ARHGAP15: variants seen among roughly 807,000 people sequenced by gnomAD.
The protein encoded by ARHGAP15 is Rho GTPase activating protein 15, also known as rho GTPase-activating protein 15.
A neutral mutation model predicts 63.7 loss-of-function variants in ARHGAP15; 51 were observed. That is an observed-to-expected ratio of 0.80 (90% confidence interval 0.64 to 1.01). The LOEUF is 1.01. ARHGAP15 is among the 50% of genes least tolerant of loss of function. The pLI, the probability that ARHGAP15 is intolerant of heterozygous loss-of-function variation, is 0.00. For synonymous variants in ARHGAP15, 191 were observed against 193.8 expected, an observed-to-expected ratio of 0.99 and a Z score of 0.12; for missense variants, 560 against 564.6, an observed-to-expected ratio of 0.99 and a Z score of 0.08.
chr2:143,426,128 G>T (rs2105065306), intron 6 of ARHGAP15, among the ~76,000 whole-genome samples: 1 of 152,240 alleles, frequency 6.6e-6, no homozygotes, highest in Non-Finnish European at 1.5e-5. Context: ...GCTAATCTGT[G>T]TTTACTAGTG....
chr2:143,521,242 G>A (rs150770293), intron 10 of ARHGAP15, among the ~76,000 whole-genome samples: 129 of 152,226 alleles, frequency 8.5e-4, no homozygotes, highest in Non-Finnish European at 1.6e-3. Context: ...AAGCACTTTG[G>A]CAGCATCAGC....
At chr2:143,645,837 A>T (rs1680847042) in intron 12 of ARHGAP15, among the ~76,000 whole-genome samples, 1 of 152,118 alleles carries the variant, frequency 6.6e-6, no homozygotes, top group Non-Finnish European at 1.5e-5. Flanking sequence ...TATTTTTTAA[A>T]TATTTTCAAA....
chr2:143,168,703 T>C (rs1487112650), intron 2 of ARHGAP15, among the ~76,000 whole-genome samples: 1 of 152,026 alleles, frequency 6.6e-6, no homozygotes, highest in Non-Finnish European at 1.5e-5. Flanking sequence ...CACTTGTAAA[T>C]CTTATCATAA....
At chr2:143,302,476 G>A (rs1682949426) in intron 6 of ARHGAP15, among the ~76,000 whole-genome samples, 2 of 151,998 alleles carry the variant, frequency 1.3e-5, no homozygotes, top group South Asian at 4.1e-4. Context: ...CCAATGTGGT[G>A]TGAAATTCTG....
At chr2:143,692,542 G>A (rs1683656827) in intron 12 of ARHGAP15, among the ~76,000 whole-genome samples, 1 of 152,178 alleles carries the variant, frequency 6.6e-6, no homozygotes, top group Non-Finnish European at 1.5e-5. Flanking sequence ...TAGAACCAAA[G>A]AGTCATTCTG....
chr2:143,477,750 A>G (rs1691891300), intron 8 of ARHGAP15, among the ~76,000 whole-genome samples: 1 of 152,186 alleles, frequency 6.6e-6, no homozygotes, highest in Non-Finnish European at 1.5e-5. Context: ...AAGAAATGGC[A>G]TTAGCAATTG....
intron 2 of ARHGAP15, among the ~76,000 whole-genome samples, chr2:143,187,180 G>T (rs1373618625): frequency 6.6e-6 from 1 of 152,080 alleles, no homozygotes; most frequent in Admixed American, 6.6e-5. Flanking sequence ...GAAAGCAAAT[G>T]TAAGCATTTC....
intron 2 of ARHGAP15, among the ~76,000 whole-genome samples, chr2:143,198,335 A>T (rs1162105118): frequency 6.6e-6 from 1 of 152,028 alleles, no homozygotes; most frequent in African/African-American, 2.4e-5. Context: ...TGAAATAAGT[A>T]TGTGCCCAGT....
intron 11 of ARHGAP15, among the ~76,000 whole-genome samples, chr2:143,567,285 A>G (rs1407882622): frequency 1.3e-5 from 2 of 152,132 alleles, no homozygotes; most frequent in African/African-American, 4.8e-5. Flanking sequence ...TGTGCCTTCA[A>G]ATAAAAGCTT....
intron 10 of ARHGAP15, among the ~76,000 whole-genome samples, chr2:143,537,060 G>A (rs1389701402): frequency 6.6e-6 from 1 of 152,012 alleles, no homozygotes; most frequent in Non-Finnish European, 1.5e-5. Flanking sequence ...TTTAATGATT[G>A]CCATTCTAAC....
intron 2 of ARHGAP15, among the ~76,000 whole-genome samples, chr2:143,179,592 T>TA (rs1691145970): frequency 1.3e-5 from 2 of 152,158 alleles, no homozygotes; most frequent in Non-Finnish European, 1.5e-5. Flanking sequence ...TCATTTTGTA[T>TA]AAAAAACAAT....
rs368468740 is a variant in ARHGAP15 at position 143,339,668 on chromosome 2, A to G, written c.474+89068A>G. 3.3e-5 allele frequency among the ~76,000 whole-genome samples: 5 copies of G among 152,102 alleles called. No homozygotes were observed. In the East Asian group the frequency reaches 5.8e-4, roughly 18 times the overall value. ...TGAAACCCAGACCTCTGTCCATTTTATTAAAATTATCCTAGATTCCATCTT... is the reference window on the plus strand; with the variant it reads ...TGAAACCCAGACCTCTGTCCATTTTGTTAAAATTATCCTAGATTCCATCTT... On this transcript the variant is annotated intron_variant, in intron 6 of 13. Transcript: ENST00000295095.
intron 11 of ARHGAP15, among the ~76,000 whole-genome samples, chr2:143,590,538 C>T (rs376143239): frequency 1.3e-5 from 2 of 152,134 alleles, no homozygotes; most frequent in African/African-American, 4.8e-5. Flanking sequence ...CTCTCTTGAC[C>T]ACTGCATAAA....
At chr2:143,473,754 C>A (rs912133014) in intron 8 of ARHGAP15, among the ~76,000 whole-genome samples, 1 of 152,112 alleles carries the variant, frequency 6.6e-6, no homozygotes, top group African/African-American at 2.4e-5. Flanking sequence ...AGTGCATTTT[C>A]CTTTCGATTT....
Position 143,699,480 on chromosome 2 carries a change from A to G in ARHGAP15, c.1139-3939A>G, listed in dbSNP as rs1382957890. Among the ~76,000 whole-genome samples, 3 of 152,338 alleles carry G rather than the reference A, an allele frequency of 2.0e-5. No individual in the cohort carries two copies. The East Asian group carries it at 5.8e-4, about 29-fold the overall frequency. The stretch of plus-strand genomic sequence containing the variant: ...TGGAAAAAGAGAGAAAAATATTTCT[A>G]TAAAATATTCTTCATGTAGAATGTT... On this transcript the variant is annotated intron_variant, in intron 12 of 13. Coordinates refer to ENST00000295095, the MANE Select transcript of ARHGAP15 (RefSeq NM_018460.4).
At position 143,568,168 on chromosome 2, in the gene ARHGAP15, A is replaced by G. The variant is rs1336129473; in HGVS notation, c.1003+11683A>G. Among the ~76,000 whole-genome samples, 3 of 152,320 alleles carry G rather than the reference A, an allele frequency of 2.0e-5. No individual in the cohort carries two copies. The East Asian group carries it at 5.8e-4, about 29-fold the overall frequency. On this transcript the variant is annotated intron_variant, in intron 11 of 13. Transcript: ENST00000295095. ...TGGCAACAAAAGCCAAAATTGACAAATGGGATCTAATTAAACTAAAGAGCT... is the reference window on the plus strand; with the variant it reads ...TGGCAACAAAAGCCAAAATTGACAAGTGGGATCTAATTAAACTAAAGAGCT...
intron 2 of ARHGAP15, among the ~76,000 whole-genome samples, chr2:143,166,001 A>AGAAGGAAGGAAGGAAG (rs1553442877): frequency 4.9e-5 from 5 of 101,106 alleles, no homozygotes; most frequent in African/African-American, 2.3e-4. Flanking sequence ...AAAGAAAGAA[A>AGAAGGAAGGAAGGAAG]GAAGGAAGGA....
In ARHGAP15 at chr2:143,491,396, G is replaced by A. The variant is rs72856004; in HGVS notation, c.826+3901G>A. Among the ~76,000 whole-genome samples the A allele has an allele frequency of 5.7e-3, 868 of 152,242 alleles. 7 individuals are homozygous for A. Among genetic ancestry groups the A allele is most frequent in the Non-Finnish European group, 0.011 (738 of 68,004 alleles). ...AAGATAACCATTGTTTGGCTTTTTA[G>A]GAGCAATTAGTATGCCCTTATGTCA... On this transcript the variant is annotated intron_variant, in intron 9 of 13. Transcript: ENST00000295095.
At chr2:143,699,720 A>G (rs909498125) in intron 12 of ARHGAP15, among the ~76,000 whole-genome samples, 5 of 152,178 alleles carry the variant, frequency 3.3e-5, no homozygotes, top group Non-Finnish European at 7.4e-5. Context: ...CCTGCAACCA[A>G]ATAGTATGCT....
Sources: gnomAD v4.1 joint callset for allele counts (sites outside exome capture counted in the v4.1 genomes callset) on GRCh38, gnomAD v4.1.1 for gene constraint, MANE v1.5 for transcripts, NCBI Gene and HGNC (gene_info 2026-07-23, HGNC 2026-07-21) for gene names.